Variants in C1orf185 observed in about 807,000 individuals in gnomAD.
The protein encoded by C1orf185 is chromosome 1 open reading frame 185, also known as uncharacterized protein C1orf185.
In C1orf185, 13 loss-of-function variants were observed where a neutral mutation model predicts 16.1. That is an observed-to-expected ratio of 0.81 (90% CI 0.53 to 1.28). The LOEUF is 1.28. Among genes scored for constraint, C1orf185 ranks in the 50% most tolerant of loss-of-function variants. The probability of loss-of-function intolerance (pLI) is 0.00; values close to 1 mark genes in which losing one functional copy is unlikely to be tolerated. For synonymous variants in C1orf185, 80 were observed against 76.9 expected (o/e 1.04, Z -0.21); for missense variants, 220 against 225.2 (o/e 0.98, Z 0.15).
intron 1 of C1orf185, among the ~76,000 whole-genome samples, chr1:51,107,484 A>G (rs926434813): frequency 1.3e-5 from 2 of 152,252 alleles, no homozygotes; most frequent in Non-Finnish European, 2.9e-5. Flanking sequence ...TTAATTGTTA[A>G]AAATAGTATT....
chr1:51,126,306 C>T (rs2148020701), intron 3 of C1orf185, among the ~76,000 whole-genome samples: 1 of 152,156 alleles, frequency 6.6e-6, no homozygotes, highest in South Asian at 2.1e-4. Context: ...CTCCGTTGCC[C>T]AGGCTGGAGT....
chr1:51,120,062 G>A (rs987517174), intron 3 of C1orf185, among the ~76,000 whole-genome samples: 3 of 152,112 alleles, frequency 2.0e-5, no homozygotes, highest in Non-Finnish European at 4.4e-5. Context: ...AAGTTTGTCG[G>A]GAAGAAAGAG....
At chr1:51,110,950 C>T (rs1193234035) in intron 1 of C1orf185, among the ~76,000 whole-genome samples, 1 of 152,104 alleles carries the variant, frequency 6.6e-6, no homozygotes, top group African/African-American at 2.4e-5. Context: ...GCCTGGGTGA[C>T]AGAGCTCACT....
At position 51,138,191 on chromosome 1, in the gene C1orf185, T is replaced by C. The variant is rs116011581; in HGVS notation, c.259-7533T>C. On this transcript the variant is annotated intron_variant, in intron 3 of 4. Transcript: ENST00000371759. The stretch of plus-strand genomic sequence containing the variant: ...CTGTGTAACAAACCTGCACATGTAC[T>C]CCTGAACCTACAAGTTAAAAATATA... Among the ~76,000 whole-genome samples the C allele has an allele frequency of 3.4e-3, 522 of 152,192 alleles. 2 individuals carry two copies. Among genetic ancestry groups the C allele is most frequent in the African/African-American group, 0.012 (514 of 41,520 alleles).
At chr1:51,123,299 A>G (rs1646211615) in intron 3 of C1orf185, among the ~76,000 whole-genome samples, 1 of 152,248 alleles carries the variant, frequency 6.6e-6, no homozygotes, top group African/African-American at 2.4e-5. Flanking sequence ...TTAAGTGTGG[A>G]TTAAGTTTCA....
In C1orf185 at chr1:51,106,802, G is replaced by C. The variant is rs904158728; in HGVS notation, c.16+4553G>C. On this transcript the variant is annotated intron_variant, in intron 1 of 4. Coordinates refer to ENST00000371759, the MANE Select transcript of C1orf185 (RefSeq NM_001136508.2). ...GAGACAGAGTCTTGCTGTGTCACCA[G>C]GCTGGAGTGCAGTGGTGCAATCTCA... 3.9e-4 allele frequency among the ~76,000 whole-genome samples: 58 copies of C among 147,318 alleles called. 1 individual carries two copies. The highest frequency in any genetic ancestry group is 7.0e-3 in the Middle Eastern group (2 of 286).
intron 1 of C1orf185, among the ~76,000 whole-genome samples, chr1:51,105,721 G>A (rs1201002922): frequency 1.3e-5 from 2 of 152,098 alleles, no homozygotes; most frequent in Non-Finnish European, 2.9e-5. Flanking sequence ...TGAAAGTGGG[G>A]AGTTACTTTA....
chr1:51,145,813 C>A, intron 4 of C1orf185, 53 bp downstream of exon 4: 2 of 985,022 alleles, frequency 2.0e-6, no homozygotes, highest in South Asian at 2.0e-5. Context: ...TTTAGCAATT[C>A]ACATCTTGAG....
At chr1:51,106,995 G>C (rs755205757) in intron 1 of C1orf185, among the ~76,000 whole-genome samples, 38 of 152,122 alleles carry the variant, frequency 2.5e-4, no homozygotes, top group Non-Finnish European at 4.3e-4. Flanking sequence ...CTGACCTTGT[G>C]ATCCGCCCAC....
intron 3 of C1orf185, among the ~76,000 whole-genome samples, chr1:51,144,810 C>T (rs1389890665): frequency 1.3e-5 from 2 of 152,150 alleles, no homozygotes; most frequent in Non-Finnish European, 1.5e-5. Flanking sequence ...AGCACTGACA[C>T]ATTTTCTCCC....
chr1:51,108,404 A>ACCTCACG (rs1359385058), intron 1 of C1orf185, among the ~76,000 whole-genome samples: 17 of 152,118 alleles, frequency 1.1e-4, no homozygotes, highest in Non-Finnish European at 1.5e-5. Context: ...GCTATCCCTC[A>ACCTCACG]CCTCACGCAT....
At chr1:51,125,881 G>T (rs760768984) in intron 3 of C1orf185, among the ~76,000 whole-genome samples, 2 of 152,182 alleles carry the variant, frequency 1.3e-5, no homozygotes, top group Non-Finnish European at 2.9e-5. Context: ...ACAGGAGCTA[G>T]GTGCGGTGGC....
In C1orf185 at chr1:51,147,609, A is replaced by C; in HGVS notation, c.438A>C (p.Gln146His). 6.4e-7 allele frequency: 1 copy of C among 1,551,604 alleles called. No homozygotes were observed. ...STLPSDSYYSQSIEAADDWFS... is the reference protein window; with the variant it reads ...STLPSDSYYSHSIEAADDWFS... ...TACCATCTGATTCTTATTACAGCCA[A>C]AGTATAGAAGCAGCTGATGACTGGT... Residue 146 changes from glutamine to histidine, a missense_variant, in exon 5 of 5, where the codon CAA becomes CAC. Transcript: ENST00000371759.
At chr1:51,141,941 G>A (rs974571361) in intron 3 of C1orf185, among the ~76,000 whole-genome samples, 9 of 152,070 alleles carry the variant, frequency 5.9e-5, no homozygotes, top group Admixed American at 5.9e-4. Context: ...GCTAATTTTT[G>A]TATTTTTAGT....
Position 51,105,651 on chromosome 1 carries a change from G to T in C1orf185, c.16+3402G>T, listed in dbSNP as rs142044199. On this transcript the variant is annotated intron_variant, in intron 1 of 4. Coordinates refer to ENST00000371759, the MANE Select transcript of C1orf185 (RefSeq NM_001136508.2). Reference sequence around the variant, plus strand: ...AACAGACAATAAACCAATAAATAAAGAATATTATTAATGATTATTATTAAA... The same window carrying T: ...AACAGACAATAAACCAATAAATAAATAATATTATTAATGATTATTATTAAA... 5.8e-3 allele frequency among the ~76,000 whole-genome samples: 876 copies of T among 152,160 alleles called. 5 individuals are homozygous for T. The highest frequency in any genetic ancestry group is 0.019 in the African/African-American group (806 of 41,516).
intron 3 of C1orf185, among the ~76,000 whole-genome samples, chr1:51,123,591 A>AT: frequency 6.6e-6 from 1 of 152,188 alleles, no homozygotes; most frequent in Middle Eastern, 3.4e-3. Flanking sequence ...GAAAGTGCCA[A>AT]TTTTTCTTCC....
intron 3 of C1orf185, among the ~76,000 whole-genome samples, chr1:51,138,170 G>A (rs1166838833): frequency 6.6e-6 from 1 of 151,984 alleles, no homozygotes; most frequent in East Asian, 1.9e-4. Context: ...GTTTACCTGT[G>A]TAACAAACCT....
chr1:51,114,325 G>A (rs1646143019), intron 2 of C1orf185, among the ~76,000 whole-genome samples: 1 of 152,224 alleles, frequency 6.6e-6, no homozygotes, highest in Admixed American at 6.5e-5. Flanking sequence ...CATCGTAATA[G>A]CTAACACTGA....
intron 1 of C1orf185, among the ~76,000 whole-genome samples, chr1:51,110,898 G>A (rs980415126): frequency 6.7e-6 from 1 of 149,440 alleles, no homozygotes; most frequent in East Asian, 2.0e-4. Context: ...GAACCCAGGA[G>A]TCGGAGGTTG....
Sources: gnomAD v4.1 joint callset for allele counts (sites outside exome capture counted in the v4.1 genomes callset) on GRCh38, gnomAD v4.1.1 for gene constraint, MANE v1.5 for transcripts, NCBI Gene and HGNC (gene_info 2026-07-23, HGNC 2026-07-21) for gene names.